Variants in THSD4 observed in about 807,000 individuals in gnomAD.
The protein encoded by THSD4 is thrombospondin type-1 domain-containing protein 4.
Under a neutral mutation model 119.0 loss-of-function variants are expected in THSD4, and 69 were observed. The ratio of observed to expected loss-of-function variants is 0.58; its 90% CI spans 0.48 to 0.71. The LOEUF is 0.71. Among genes scored for constraint, THSD4 ranks in the 30% least tolerant of loss-of-function variants. The probability of loss-of-function intolerance (pLI) is 0.00; values close to 1 mark genes in which losing one functional copy is unlikely to be tolerated. For synonymous variants in THSD4, 524 were observed against 540.4 expected (o/e 0.97, Z 0.42); for missense variants, 1,393 against 1,391.1 (o/e 1.00, Z -0.02).
chr15:71,577,205 A>G (rs899191297), intron 7 of THSD4, among the ~76,000 whole-genome samples: 7 of 152,014 alleles, frequency 4.6e-5, no homozygotes, highest in African/African-American at 1.7e-4. Flanking sequence ...TTTGTTTTGT[A>G]TGTTGTTTTA....
chr15:71,164,789 T>C, intron 3 of THSD4: 1 of 1,594,768 alleles, frequency 6.3e-7, no homozygotes, highest in South Asian at 1.1e-5. Context: ...ATCATCATCT[T>C]CTTCTTCATC....
chr15:71,747,776 G>A (rs2053367828), intron 13 of THSD4, among the ~76,000 whole-genome samples: 1 of 152,194 alleles, frequency 6.6e-6, no homozygotes, highest in Non-Finnish European at 1.5e-5. Context: ...AATGTCCACA[G>A]GTTACGTATT....
intron 7 of THSD4, among the ~76,000 whole-genome samples, chr15:71,553,810 A>C: frequency 6.6e-6 from 1 of 152,218 alleles, no homozygotes. Flanking sequence ...TAATCTACTT[A>C]CATAGTGAAT....
At chr15:71,188,333 T>C (rs1299829341) in intron 3 of THSD4, among the ~76,000 whole-genome samples, 1 of 151,960 alleles carries the variant, frequency 6.6e-6, no homozygotes, top group Non-Finnish European at 1.5e-5. Flanking sequence ...AAGGGTGTAT[T>C]CCATGACTCT....
At chr15:71,777,004 A>G (rs935595980) in intron 17 of THSD4, among the ~76,000 whole-genome samples, 1 of 152,232 alleles carries the variant, frequency 6.6e-6, no homozygotes, top group Non-Finnish European at 1.5e-5. Context: ...GGAAGTGATC[A>G]GAGAGAAGTG....
chr15:71,613,698 C>T (rs1238215105), intron 7 of THSD4, among the ~76,000 whole-genome samples: 1 of 152,158 alleles, frequency 6.6e-6, no homozygotes, highest in Non-Finnish European at 1.5e-5. Context: ...TGAAGGGTTT[C>T]TTCTGTGCAC....
intron 7 of THSD4, among the ~76,000 whole-genome samples, chr15:71,595,593 A>G (rs936111565): frequency 8.2e-6 from 1 of 121,902 alleles, no homozygotes; most frequent in African/African-American, 3.2e-5. Flanking sequence ...AAATGAACTA[A>G]TACACAAGCC....
chr15:71,752,641 G>A (rs911432015), intron 14 of THSD4, among the ~76,000 whole-genome samples: 7 of 152,278 alleles, frequency 4.6e-5, no homozygotes, highest in Admixed American at 3.9e-4. Flanking sequence ...TTTCGTATTT[G>A]ACCCTGAGCC....
intron 7 of THSD4, among the ~76,000 whole-genome samples, chr15:71,470,731 G>A (rs892689909): frequency 4.1e-4 from 62 of 151,982 alleles, no homozygotes; most frequent in Non-Finnish European, 6.3e-4. Context: ...CGCTTCCCGG[G>A]TTCACGCCAT....
chr15:71,336,151 C>G (rs142317231), intron 6 of THSD4, among the ~76,000 whole-genome samples: 2 of 152,328 alleles, frequency 1.3e-5, no homozygotes, highest in Admixed American at 6.5e-5. Flanking sequence ...TCCCTCTCCC[C>G]ACAAAATGCT....
chr15:71,727,632 T>G, intron 8 of THSD4, among the ~76,000 whole-genome samples: 1 of 137,176 alleles, frequency 7.3e-6, no homozygotes, highest in African/African-American at 2.9e-5. Context: ...AAGCCAGGCA[T>G]GGTGGTACAT....
intron 6 of THSD4, among the ~76,000 whole-genome samples, chr15:71,277,920 T>G (rs2044610742): frequency 2.0e-5 from 3 of 152,234 alleles, no homozygotes; most frequent in Admixed American, 2.0e-4. Context: ...CACTACCCAC[T>G]GTGTAAGATT....
chr15:71,345,795 TTTG>T (rs1392395425), intron 6 of THSD4, among the ~76,000 whole-genome samples: 1 of 135,776 alleles, frequency 7.4e-6, no homozygotes, highest in Admixed American at 7.3e-5. Context: ...CTTTGGGTGT[TTTG>T]TTTTTTTTTT....
intron 6 of THSD4, among the ~76,000 whole-genome samples, chr15:71,393,990 A>G (rs1175080716): frequency 6.6e-6 from 1 of 152,226 alleles, no homozygotes; most frequent in Non-Finnish European, 1.5e-5. Flanking sequence ...AGTTACATAG[A>G]AAAATGTGTT....
At chr15:71,564,159 G>A (rs2049179069) in intron 7 of THSD4, among the ~76,000 whole-genome samples, 1 of 152,108 alleles carries the variant, frequency 6.6e-6, no homozygotes, top group Admixed American at 6.5e-5. Context: ...CCCTCTTCAG[G>A]AAGTTGTAGA....
chr15:71,310,724 A>T (rs144773658), intron 6 of THSD4, among the ~76,000 whole-genome samples: 43 of 152,324 alleles, frequency 2.8e-4, no homozygotes, highest in African/African-American at 7.9e-4. Context: ...GCATTGGGAA[A>T]GTTAGAAATA....
At chr15:71,182,425 C>T (rs17784837) in intron 3 of THSD4, among the ~76,000 whole-genome samples, 25,465 of 151,540 alleles carry the variant, frequency 0.17, 2,504 homozygotes, top group Admixed American at 0.22. Flanking sequence ...TATTTTTGTG[C>T]GCTTCAACCA....
At chr15:71,610,074 GTTTC>G (rs1291876062) in intron 7 of THSD4, among the ~76,000 whole-genome samples, 2 of 152,236 alleles carry the variant, frequency 1.3e-5, no homozygotes, top group African/African-American at 4.8e-5. Context: ...TAAATAAACT[GTTTC>G]AAAGTACATC....
intron 7 of THSD4, among the ~76,000 whole-genome samples, chr15:71,561,863 A>AACACACACACACACAC (rs71154780): frequency 1.5e-5 from 2 of 130,374 alleles, no homozygotes; most frequent in South Asian, 5.4e-4. Context: ...TTTTAAAATA[A>AACACACACACACACAC]ACACACACAC....
Sources: allele counts gnomAD v4.1 joint callset (sites outside exome capture counted in the v4.1 genomes callset), GRCh38; gene constraint gnomAD v4.1.1; transcripts MANE v1.5; gene names NCBI Gene and HGNC (gene_info 2026-07-23, HGNC 2026-07-21).